The following ZSCAN25 variants were observed in gnomAD, a reference collection of about 807,000 sequenced individuals.
The protein encoded by ZSCAN25 is zinc finger and SCAN domain containing 25.
In ZSCAN25, 27 loss-of-function variants were observed where a neutral mutation model predicts 38.7. That is an observed-to-expected ratio of 0.70 (90% CI 0.51 to 0.96). ZSCAN25 has a LOEUF of 0.96. ZSCAN25 is among the 40% of genes least tolerant of loss of function. The pLI is 0.00. For missense variants in ZSCAN25, 637 were observed against 705.9 expected, an observed-to-expected ratio of 0.90 and a Z score of 1.11; for synonymous variants, 273 against 277.7, an observed-to-expected ratio of 0.98 and a Z score of 0.17.
chr7:99,697,639 A>G, the ZSCAN25 span, among the ~76,000 whole-genome samples: 21 of 152,342 alleles, frequency 1.4e-4, no homozygotes, highest in Admixed American at 5.2e-4. Flanking sequence ...TATAATGGGT[A>G]GCACTTAAGG....
downstream of ZSCAN25, among the ~76,000 whole-genome samples, chr7:99,632,689 G>A (rs1808089954): frequency 6.6e-6 from 1 of 152,126 alleles, no homozygotes. Context: ...TATTCAGGAG[G>A]CTGAGGCTGG....
the ZSCAN25 span, among the ~76,000 whole-genome samples, chr7:99,733,452 C>A: frequency 6.6e-6 from 1 of 152,148 alleles, no homozygotes; most frequent in Admixed American, 6.5e-5. Flanking sequence ...AAAAATCCAT[C>A]ATCTATTGCA....
At chr7:99,618,769 A>T (rs1398606547) in intron 2 of ZSCAN25, 118 bp downstream of exon 2, 3 of 152,242 alleles carry the variant, frequency 2.0e-5, no homozygotes, top group Non-Finnish European at 4.4e-5. Flanking sequence ...AAAGTTCATA[A>T]TTCTTTCTGT....
downstream of ZSCAN25, among the ~76,000 whole-genome samples, chr7:99,635,264 G>A (rs767988029): frequency 4.6e-5 from 7 of 151,858 alleles, no homozygotes; most frequent in South Asian, 4.2e-4. Flanking sequence ...AGTTTGGGGC[G>A]ATCATAGTCT....
chr7:99,681,993 G>C, the ZSCAN25 span, among the ~76,000 whole-genome samples: 4 of 152,054 alleles, frequency 2.6e-5, no homozygotes, highest in African/African-American at 9.7e-5. Flanking sequence ...TTTTCTGACA[G>C]AGTCTCACTC....
chr7:99,634,422 G>A (rs1387505497), downstream of ZSCAN25, among the ~76,000 whole-genome samples: 1 of 152,192 alleles, frequency 6.6e-6, no homozygotes, highest in African/African-American at 2.4e-5. Flanking sequence ...GGGAGGCCGA[G>A]GCGGGCGGAT....
the ZSCAN25 span, among the ~76,000 whole-genome samples, chr7:99,703,561 T>C: frequency 1.3e-5 from 2 of 152,214 alleles, no homozygotes; most frequent in African/African-American, 4.8e-5. Flanking sequence ...TACCCATCTA[T>C]CCATCTAGAA....
the ZSCAN25 span, chr7:99,648,300 A>C: frequency 6.2e-7 from 1 of 1,610,812 alleles, no homozygotes. Context: ...AATCCTTAGA[A>C]TAACTCATTC....
At chr7:99,674,959 C>T in the ZSCAN25 span, among the ~76,000 whole-genome samples, 1 of 152,366 alleles carries the variant, frequency 6.6e-6, no homozygotes, top group Non-Finnish European at 1.5e-5. Context: ...AAGTGAGTGT[C>T]TGCAGGGAAT....
At chr7:99,632,986 G>GTTTTTTTTTTTTTTTTTTTTTT (rs201141594), downstream of ZSCAN25, among the ~76,000 whole-genome samples, 2,739 of 140,396 alleles carry the variant, frequency 0.02, 119 homozygotes, top group East Asian at 0.094. Flanking sequence ...TGCATTTTCT[G>GTTTTTTTTTTTTTTTTTTTTTT]TTGTTTTTTT....
chr7:99,677,511 A>C, the ZSCAN25 span, among the ~76,000 whole-genome samples: 8 of 152,262 alleles, frequency 5.3e-5, no homozygotes, highest in Non-Finnish European at 1.5e-5. Flanking sequence ...GAGTTGTATT[A>C]AGACCTTGTT....
chr7:99,679,708 A>G, the ZSCAN25 span: 6 of 925,452 alleles, frequency 6.5e-6, no homozygotes, highest in Admixed American at 3.8e-5. Context: ...AGCGTCCAAC[A>G]CTTCAGCTAC....
chr7:99,710,786 G>A, the ZSCAN25 span: 1 of 1,613,938 alleles, frequency 6.2e-7, no homozygotes, highest in Non-Finnish European at 8.5e-7. Flanking sequence ...GGACATCAGG[G>A]TGAGTGGCCA....
chr7:99,719,630 T>TA, the ZSCAN25 span, among the ~76,000 whole-genome samples: 10 of 151,850 alleles, frequency 6.6e-5, no homozygotes, highest in African/African-American at 1.9e-4. Context: ...CTCCTCAAAA[T>TA]AAAAAAAGTT....
chr7:99,679,395 A>G, the ZSCAN25 span, among the ~76,000 whole-genome samples: 2 of 152,132 alleles, frequency 1.3e-5, no homozygotes, highest in Non-Finnish European at 2.9e-5. Flanking sequence ...TCCAGCAGAC[A>G]CAGAACCCAG....
At position 99,619,802 on chromosome 7, in the gene ZSCAN25, C is replaced by A; in HGVS notation, c.196C>A (p.Leu66Ile). 6.2e-7 allele frequency: 1 copy of A among 1,614,264 alleles called. No individual in the cohort carries two copies. Among genetic ancestry groups the A allele is most frequent in the Admixed American group, 1.7e-5 (1 of 60,034 alleles). ...PQEALRELQE[L>I]CRRWLRPELH... ...GGAAGCTCTTAGGGAGCTCCAGGAGCTCTGTCGTCGGTGGCTGAGGCCCGA... is the reference window on the plus strand; with the variant it reads ...GGAAGCTCTTAGGGAGCTCCAGGAGATCTGTCGTCGGTGGCTGAGGCCCGA... The change falls in exon 4 of 8, where the codon CTC becomes ATC. Residue 66 changes from leucine to isoleucine, a missense_variant. By Grantham distance (5) the Leu-to-Ile change is conservative. Coordinates refer to ENST00000394152, the MANE Select transcript of ZSCAN25 (RefSeq NM_145115.3).
chr7:99,729,924 C>T, the ZSCAN25 span, among the ~76,000 whole-genome samples: 2 of 152,192 alleles, frequency 1.3e-5, no homozygotes, highest in East Asian at 1.9e-4. Flanking sequence ...CTCACACGGA[C>T]GCATGTGAAA....
At chr7:99,719,996 G>A in the ZSCAN25 span, among the ~76,000 whole-genome samples, 5 of 151,818 alleles carry the variant, frequency 3.3e-5, no homozygotes, top group Non-Finnish European at 7.4e-5. Context: ...GACTCAGTCC[G>A]AAAAACAAAC....
chr7:99,630,725 A>G lies in ZSCAN25; in HGVS notation c.*705A>G, dbSNP rs753368531. ...TGGAGCCTCATCTGTGTCAGGCTAT[A>G]ACATTCTATCCTCATCTGTAAAACT... is the stretch of plus-strand genomic sequence containing the variant. On this transcript the variant is annotated 3_prime_UTR_variant, in exon 8 of 8. Transcript: ENST00000394152. The G allele has an allele frequency of 1.9e-4, 184 of 985,368 alleles. No individual in the cohort carries two copies. Among genetic ancestry groups the G allele is most frequent in the Non-Finnish European group, 2.0e-4 (166 of 829,988 alleles). 61.0% of individuals were successfully genotyped at this position (985,368 alleles called of 1,614,324 possible). A position where few individuals can be genotyped will look rare whatever the true frequency, so the allele number is the denominator to read the frequency against.
Sources: allele counts gnomAD v4.1 joint callset (sites outside exome capture counted in the v4.1 genomes callset), GRCh38; gene constraint gnomAD v4.1.1; transcripts MANE v1.5; gene names NCBI Gene and HGNC (gene_info 2026-07-23, HGNC 2026-07-21).